Variants in PARD6B observed in about 807,000 individuals in gnomAD.
PARD6B encodes the protein par-6 family cell polarity regulator beta.
A neutral mutation model predicts 10.5 loss-of-function variants in PARD6B; 4 were observed. The ratio of observed to expected loss-of-function variants is 0.38; its 90% confidence interval spans 0.19 to 0.87. The LOEUF is 0.87. Ranked by LOEUF, PARD6B falls within the 40% of genes least tolerant of loss-of-function variation. PARD6B has a pLI of 0.41. For missense variants in PARD6B, 396 were observed against 470.6 expected (o/e 0.84, Z 1.47); for synonymous variants, 169 against 170.4 (o/e 0.99, Z 0.07).
chr20:50,750,948 AT>A lies in PARD6B; in HGVS notation c.*464del. Reference sequence around the variant, plus strand: ...AAAGGTCTCATGTTCCCAATATTTTATTTTGATTTTTTTTTTTTTTTTTTTT... The same window carrying A: ...AAAGGTCTCATGTTCCCAATATTTTATTTGATTTTTTTTTTTTTTTTTTTT... On this transcript the variant is annotated 3_prime_UTR_variant, in exon 3 of 3. Coordinates refer to ENST00000371610, the MANE Select transcript of PARD6B (RefSeq NM_032521.3). 1 of 315,508 alleles carries A rather than the reference AT, an allele frequency of 3.2e-6. No individual in the cohort carries two copies. Among genetic ancestry groups the A allele is most frequent in the Non-Finnish European group, 3.8e-6 (1 of 265,892 alleles). The allele number at this position is 315,508 out of a possible 1,614,324, so 19.5% of individuals were successfully genotyped here.
rs2087602892 is a variant in PARD6B, at chr20:50,750,953, G to GTTTTTTTTTTT, written c.*465_*466insTTTTTTTTTTT. 2 of 209,548 alleles carry GTTTTTTTTTTT rather than the reference G, an allele frequency of 9.5e-6. No homozygotes were observed. Among genetic ancestry groups the GTTTTTTTTTTT allele is most frequent in the African/African-American group, 1.1e-4 (2 of 17,894 alleles). 13.0% of individuals were successfully genotyped at this position (209,548 alleles called of 1,614,324 possible). Reference sequence around the variant, plus strand: ...TCTCATGTTCCCAATATTTTATTTTGATTTTTTTTTTTTTTTTTTTTTTTT... The same window carrying GTTTTTTTTTTT: ...TCTCATGTTCCCAATATTTTATTTTGTTTTTTTTTTTATTTTTTTTTTTTTTTTTTTTTTTT... On this transcript the variant is annotated 3_prime_UTR_variant, in exon 3 of 3. Coordinates refer to ENST00000371610, the MANE Select transcript of PARD6B (RefSeq NM_032521.3).
Position 50,753,131 on chromosome 20 carries a change from C to T in PARD6B, c.*2643C>T, listed in dbSNP as rs1268880668. 1.0e-6 allele frequency: 1 copy of T among 984,332 alleles called. No homozygotes were observed. Among genetic ancestry groups the T allele is most frequent in the Non-Finnish European group, 1.2e-6 (1 of 829,164 alleles). 61.0% of individuals were successfully genotyped at this position (984,332 alleles called of 1,614,324 possible). A position where few individuals can be genotyped will look rare whatever the true frequency, so the allele number is the denominator to read the frequency against. On this transcript the variant is annotated 3_prime_UTR_variant, in exon 3 of 3. Coordinates refer to ENST00000371610, the MANE Select transcript of PARD6B (RefSeq NM_032521.3). ...TTTTGGGGGAAAAACTACTTCAGGG[C>T]TTGACTTTTTGTACAAATTTTAACT... is the stretch of plus-strand genomic sequence containing the variant.
chr20:50,740,225 A>C (rs183352597), intron 2 of PARD6B, among the ~76,000 whole-genome samples: 12 of 152,334 alleles, frequency 7.9e-5, no homozygotes, highest in African/African-American at 2.4e-4. Flanking sequence ...AAGACCATGG[A>C]TAGAACCTTG....
rs745531986 is a variant in PARD6B at position 50,750,125 on chromosome 20, G to A, written c.756G>A (p.Arg252=). 6.2e-7 allele frequency: 1 copy of A among 1,614,194 alleles called. No individual in the cohort carries two copies. Among genetic ancestry groups the A allele is most frequent in the South Asian group, 1.1e-5 (1 of 91,086 alleles). Residue 252 remains arginine, a synonymous_variant, in exon 3 of 3, where the codon AGG becomes AGA. Transcript: ENST00000371610. ...LIITVRPANQ[R]NNVVRNSRTS... ...TAACAGTGAGACCGGCAAACCAGAG[G>A]AATAATGTTGTGAGGAACAGTCGGA...
rs1568999327 is a variant in PARD6B, at chr20:50,750,534, G to A, written c.*46G>A. On this transcript the variant is annotated 3_prime_UTR_variant, in exon 3 of 3. Coordinates refer to ENST00000371610, the MANE Select transcript of PARD6B (RefSeq NM_032521.3). ...CAGAGTGAGGATGCCATGAGGACTT[G>A]TACATTTGGCTAGTTTAAAAGCATA... 1.3e-6 allele frequency: 2 copies of A among 1,574,376 alleles called. No homozygotes were observed. Among genetic ancestry groups the A allele is most frequent in the East Asian group, 2.3e-5 (1 of 44,256 alleles).
In PARD6B at chr20:50,731,756, G is replaced by A. The variant is rs1369748423; in HGVS notation, c.-31G>A. On this transcript the variant is annotated 5_prime_UTR_variant, in exon 1 of 3. Transcript: ENST00000371610. ...GCGCTCCTGAGGGGCCGCCCGGCCGGAGGAGGCCGTCGCGGGGCTCGGCGT... is the reference window on the plus strand; with the variant it reads ...GCGCTCCTGAGGGGCCGCCCGGCCGAAGGAGGCCGTCGCGGGGCTCGGCGT... The A allele has an allele frequency of 2.2e-5, 32 of 1,440,914 alleles. No individual in the cohort carries two copies. The highest frequency in any genetic ancestry group is 2.9e-5 in the Non-Finnish European group (32 of 1,102,960). 89.3% of individuals were successfully genotyped at this position (1,440,914 alleles called of 1,614,324 possible).
rs2087617967 is a variant in PARD6B, at chr20:50,752,346, T to C, written c.*1858T>C. ...CTTTTTATGCCAAAAAAAAAAAAAATTGGGTTTTCCTTCATGGGATTTCTA... is the reference window on the plus strand; with the variant it reads ...CTTTTTATGCCAAAAAAAAAAAAAACTGGGTTTTCCTTCATGGGATTTCTA... On this transcript the variant is annotated 3_prime_UTR_variant, in exon 3 of 3. Transcript: ENST00000371610. 1 of 979,960 alleles carries C rather than the reference T, an allele frequency of 1.0e-6. No individual in the cohort carries two copies. 60.7% of individuals were successfully genotyped at this position (979,960 alleles called of 1,614,324 possible).
In PARD6B at chr20:50,751,244, G is replaced by A. The variant is rs1012804639; in HGVS notation, c.*756G>A. 1.0e-5 allele frequency: 10 copies of A among 969,442 alleles called. No individual in the cohort carries two copies. Among genetic ancestry groups the A allele is most frequent in the Non-Finnish European group, 1.2e-5 (10 of 816,978 alleles). 60.1% of individuals were successfully genotyped at this position (969,442 alleles called of 1,614,324 possible). A position where few individuals can be genotyped will look rare whatever the true frequency, so the allele number is the denominator to read the frequency against. On this transcript the variant is annotated 3_prime_UTR_variant, in exon 3 of 3. Transcript: ENST00000371610. ...GGCTTCCCAAAATGCTAGGATTAGA[G>A]CCACCATGCCCAGCCTATTTTGATT...
At chr20:50,748,631 A>G (rs528728894) in intron 2 of PARD6B, among the ~76,000 whole-genome samples, 1 of 152,280 alleles carries the variant, frequency 6.6e-6, no homozygotes, top group South Asian at 2.1e-4. Context: ...GAGTGAAGCC[A>G]TCCTCCCATC....
intron 2 of PARD6B, among the ~76,000 whole-genome samples, chr20:50,743,575 A>G (rs767814842): frequency 6.6e-6 from 1 of 152,166 alleles, no homozygotes; most frequent in African/African-American, 2.4e-5. Context: ...GTAAATTGTA[A>G]ATTATAGTTT....
chr20:50,752,072 A>G lies in PARD6B; in HGVS notation c.*1584A>G. ...TGTTTGTCCTTCCTATAGCTTTCAT[A>G]TTTTCAAATTAATTCTGTATGGCTA... On this transcript the variant is annotated 3_prime_UTR_variant, in exon 3 of 3. Coordinates refer to ENST00000371610, the MANE Select transcript of PARD6B (RefSeq NM_032521.3). The G allele has an allele frequency of 1.0e-6, 1 of 985,152 alleles. No individual in the cohort carries two copies. Among genetic ancestry groups the G allele is most frequent in the Middle Eastern group, 5.2e-4 (1 of 1,914 alleles). The allele number at this position is 985,152 out of a possible 1,614,324, so 61.0% of individuals were successfully genotyped here. A position where few individuals can be genotyped will look rare whatever the true frequency, so the allele number is the denominator to read the frequency against.
chr20:50,747,936 G>A (rs2087578431), intron 2 of PARD6B, among the ~76,000 whole-genome samples: 1 of 152,164 alleles, frequency 6.6e-6, no homozygotes, highest in South Asian at 2.1e-4. Flanking sequence ...TATTGTCTGT[G>A]TCACCACCAC....
intron 2 of PARD6B, among the ~76,000 whole-genome samples, chr20:50,741,557 CTT>C (rs1170218586): frequency 6.6e-6 from 1 of 151,756 alleles, no homozygotes; most frequent in South Asian, 2.1e-4. Context: ...TGCATGCACT[CTT>C]TTTTTTGTGG....
In PARD6B at chr20:50,750,792, A is replaced by G; in HGVS notation, c.*304A>G. The G allele has an allele frequency of 9.0e-7, 1 of 1,108,574 alleles. No homozygotes were observed. The highest frequency in any genetic ancestry group is 2.9e-5 in the South Asian group (1 of 34,554). The allele number at this position is 1,108,574 out of a possible 1,614,324, so 68.7% of individuals were successfully genotyped here. ...TGGAACTATGTGAGAAGACTAGATC[A>G]TTTCTGTTGGAAGTGGTTGCATATT... On this transcript the variant is annotated 3_prime_UTR_variant, in exon 3 of 3. Coordinates refer to ENST00000371610, the MANE Select transcript of PARD6B (RefSeq NM_032521.3).
In PARD6B at chr20:50,749,960, T is replaced by C; in HGVS notation, c.591T>C (p.Leu197=). ...EKVPGIFISR[L]VPGGLAQSTG... is the part of the protein sequence containing the mutation. ...TTCCAGGGATCTTTATATCCAGGCT[T>C]GTCCCAGGAGGTCTGGCTCAAAGTA... The change falls in exon 3 of 3, where the codon CTT becomes CTC. Residue 197 remains leucine (L), a synonymous_variant. Transcript: ENST00000371610. 5 of 1,614,230 alleles carry C rather than the reference T, an allele frequency of 3.1e-6. No individual in the cohort carries two copies. The highest frequency in any genetic ancestry group is 4.2e-6 in the Non-Finnish European group (5 of 1,180,040).
In PARD6B at chr20:50,752,995, A is replaced by ACT; in HGVS notation, c.*2507_*2508insCT. 2.0e-6 allele frequency: 2 copies of ACT among 983,944 alleles called. No homozygotes were observed. Among genetic ancestry groups the ACT allele is most frequent in the South Asian group, 9.4e-5 (2 of 21,254 alleles). 61.0% of individuals were successfully genotyped at this position (983,944 alleles called of 1,614,324 possible). On this transcript the variant is annotated 3_prime_UTR_variant, in exon 3 of 3. Transcript: ENST00000371610. Reference sequence around the variant, plus strand: ...ATGGCAAAATAATGTTAGTATGTAGAAGGTTAACTTTCATTTATAATATAA... The same window carrying ACT: ...ATGGCAAAATAATGTTAGTATGTAGACTAGGTTAACTTTCATTTATAATATAA...
rs1409843299 is a variant in PARD6B at position 50,752,573 on chromosome 20, A to T, written c.*2085A>T. 6 of 984,080 alleles carry T rather than the reference A, an allele frequency of 6.1e-6. No individual in the cohort carries two copies. The highest frequency in any genetic ancestry group is 7.2e-6 in the Non-Finnish European group (6 of 828,570). The allele number at this position is 984,080 out of a possible 1,614,324, so 61.0% of individuals were successfully genotyped here. On this transcript the variant is annotated 3_prime_UTR_variant, in exon 3 of 3. Coordinates refer to ENST00000371610, the MANE Select transcript of PARD6B (RefSeq NM_032521.3). ...GCACAATGGTATGCTTGTATATAGAAACTAAAAATACTATGAAGTACATAA... is the reference window on the plus strand; with the variant it reads ...GCACAATGGTATGCTTGTATATAGATACTAAAAATACTATGAAGTACATAA...
At chr20:50,738,901 A>C (rs1374922735) in intron 2 of PARD6B, among the ~76,000 whole-genome samples, 1 of 151,416 alleles carries the variant, frequency 6.6e-6, no homozygotes, top group Non-Finnish European at 1.5e-5. Context: ...GATTATAGGC[A>C]TGAGCCACCA....
chr20:50,743,892 A>G lies in PARD6B; in HGVS notation c.290-5767A>G, dbSNP rs548634949. 2.9e-3 allele frequency among the ~76,000 whole-genome samples: 432 copies of G among 151,088 alleles called. 2 individuals carry two copies. Among genetic ancestry groups the G allele is most frequent in the African/African-American group, 0.01 (420 of 41,208 alleles). On this transcript the variant is annotated intron_variant, in intron 2 of 2. Transcript: ENST00000371610. ...CGACAGAGCGAGACTCCGTCTCAAA[A>G]AAAAAAAAAAAAAGAAATTGTGGAG...
Sources: gnomAD v4.1 joint callset for allele counts (sites outside exome capture counted in the v4.1 genomes callset) on GRCh38, gnomAD v4.1.1 for gene constraint, MANE v1.5 for transcripts, NCBI Gene and HGNC (gene_info 2026-07-23, HGNC 2026-07-21) for gene names.